Variants in RANBP2 observed in about 807,000 individuals in gnomAD.
RANBP2 encodes the protein E3 SUMO-protein ligase RanBP2.
A neutral mutation model predicts 303.6 loss-of-function variants in RANBP2; 57 were observed. That is an observed-to-expected ratio of 0.19 (90% confidence interval 0.15 to 0.23). RANBP2 has a LOEUF of 0.23. Ranked by LOEUF, RANBP2 falls within the 10% of genes least tolerant of loss-of-function variation. The pLI is 1.00. For missense variants in RANBP2, 3,138 were observed against 3,780.8 expected, an observed-to-expected ratio of 0.83 and a Z score of 4.46; for synonymous variants, 1,167 against 1,301.5, an observed-to-expected ratio of 0.90 and a Z score of 2.23.
At chr2:108,809,932 A>G in the RANBP2 span, among the ~76,000 whole-genome samples, 2 of 152,096 alleles carry the variant, frequency 1.3e-5, no homozygotes, top group African/African-American at 4.8e-5. Flanking sequence ...CAGCCTCCTG[A>G]GTAGCTGGGA....
the RANBP2 span, among the ~76,000 whole-genome samples, chr2:109,101,753 A>G: frequency 2.6e-5 from 4 of 152,228 alleles, no homozygotes; most frequent in African/African-American, 9.6e-5. Context: ...GACAAGCCCT[A>G]CTGGAGACTG....
the RANBP2 span, among the ~76,000 whole-genome samples, chr2:108,863,498 G>A: frequency 6.6e-6 from 1 of 152,190 alleles, no homozygotes; most frequent in Admixed American, 6.5e-5. Context: ...GAAGAACCAG[G>A]AAACAAGCTG....
chr2:108,924,117 C>G, the RANBP2 span, among the ~76,000 whole-genome samples: 1 of 152,250 alleles, frequency 6.6e-6, no homozygotes, highest in Non-Finnish European at 1.5e-5. Context: ...GCTGGGGCTG[C>G]ACACACAGTG....
intron 18 of RANBP2, 109 bp from the exon 19 acceptor site, chr2:108,761,992 A>G: frequency 2.8e-6 from 4 of 1,452,102 alleles, no homozygotes; most frequent in Non-Finnish European, 3.7e-6. Context: ...ATGTAGTTAA[A>G]TCTTTCTTTA....
At position 108,781,276 on chromosome 2, in the gene RANBP2, T is replaced by C; in HGVS notation, c.8607T>C (p.Asn2869=). ...GDFAFGSKDK[N]FQWANTGAAV... ...TCCTGATTTATTCATCAGATAAAAA[T>C]TTCCAATGGGCAAATACTGGAGCAG... is the stretch of plus-strand genomic sequence containing the variant. The change falls in exon 26 of 29, where the codon AAT becomes AAC. Residue 2869 remains asparagine, a synonymous_variant. Transcript: ENST00000283195. 6.2e-7 allele frequency: 1 copy of C among 1,614,104 alleles called. No individual in the cohort carries two copies. Among genetic ancestry groups the C allele is most frequent in the East Asian group, 2.2e-5 (1 of 44,866 alleles).
the RANBP2 span, among the ~76,000 whole-genome samples, chr2:109,550,573 C>T: frequency 3.3e-5 from 5 of 152,072 alleles, no homozygotes; most frequent in Non-Finnish European, 5.9e-5. Flanking sequence ...CTCGGCCTCC[C>T]GAAGTGCTAG....
At chr2:108,950,825 AGGGATG>A in the RANBP2 span, among the ~76,000 whole-genome samples, 1 of 152,252 alleles carries the variant, frequency 6.6e-6, no homozygotes, top group South Asian at 2.1e-4. Context: ...TTCTCAGCAC[AGGGATG>A]GCCCTACAGA....
the RANBP2 span, among the ~76,000 whole-genome samples, chr2:109,345,018 T>C: frequency 6.6e-6 from 1 of 152,052 alleles, no homozygotes; most frequent in African/African-American, 2.4e-5. Context: ...CAGGCCACAG[T>C]GCTGATACCA....
chr2:108,765,940 T>C lies in RANBP2; in HGVS notation c.5401T>C (p.Cys1801Arg). ...CVQNESSSLK[C>R]VACDASKPTH... The stretch of plus-strand genomic sequence containing the variant: ...ACAAAATGAGAGTTCTTCCTTAAAA[T>C]GTGTGGCTTGTGATGCCTCTAAACC... The change falls in exon 20 of 29, where the codon TGT becomes CGT. Residue 1801 changes from cysteine to arginine, a missense_variant. By Grantham distance (180) the Cys-to-Arg change is radical. Transcript: ENST00000283195. 6.2e-7 allele frequency: 1 copy of C among 1,614,178 alleles called. No individual in the cohort carries two copies. Among genetic ancestry groups the C allele is most frequent in the Non-Finnish European group, 8.5e-7 (1 of 1,179,990 alleles).
chr2:109,326,714 TG>T, the RANBP2 span, among the ~76,000 whole-genome samples: 6 of 152,366 alleles, frequency 3.9e-5, no homozygotes, highest in Non-Finnish European at 4.4e-5. Context: ...TGAAGATAGA[TG>T]GGTAGTTCTT....
chr2:109,084,939 CA>C, the RANBP2 span, among the ~76,000 whole-genome samples: 1 of 152,148 alleles, frequency 6.6e-6, no homozygotes, highest in Non-Finnish European at 1.5e-5. Context: ...AATTACAGTC[CA>C]GCATTTTGAG....
At chr2:109,585,683 T>C in the RANBP2 span, 5 of 1,374,742 alleles carry the variant, frequency 3.6e-6, no homozygotes, top group African/African-American at 2.8e-5. Flanking sequence ...ACAAGGAATA[T>C]GAAGGAACAA....
intron 8 of RANBP2, among the ~76,000 whole-genome samples, chr2:108,748,510 C>T (rs1196537030): frequency 2.6e-5 from 4 of 151,784 alleles, no homozygotes; most frequent in African/African-American, 7.3e-5. Context: ...CATGAGCCAC[C>T]GTGCCCAGCC....
the RANBP2 span, among the ~76,000 whole-genome samples, chr2:109,283,502 G>A: frequency 6.6e-6 from 1 of 152,152 alleles, no homozygotes; most frequent in African/African-American, 2.4e-5. Context: ...TGTCCACAAA[G>A]GTCTCCAGAA....
chr2:109,325,323 CTTTCTTTCTTT>C, the RANBP2 span, among the ~76,000 whole-genome samples: 2 of 119,198 alleles, frequency 1.7e-5, no homozygotes, highest in Non-Finnish European at 3.4e-5. Context: ...TTCTTTCTTT[CTTTCTTTCTTT>C]TTTTTTTTTT....
the RANBP2 span, among the ~76,000 whole-genome samples, chr2:108,922,363 T>C: frequency 5.9e-5 from 9 of 152,212 alleles, no homozygotes. Context: ...CCTCCTCTAA[T>C]TTGTGAATTA....
chr2:108,839,535 A>G, the RANBP2 span, among the ~76,000 whole-genome samples: 3 of 152,134 alleles, frequency 2.0e-5, no homozygotes, highest in Non-Finnish European at 4.4e-5. Context: ...ATGTCTGTCC[A>G]CTTATTTAGA....
At chr2:109,587,808 G>A in the RANBP2 span, among the ~76,000 whole-genome samples, 1 of 152,206 alleles carries the variant, frequency 6.6e-6, no homozygotes, top group African/African-American at 2.4e-5. Context: ...AGCTACTCAG[G>A]AGGCTGAGGC....
At chr2:109,383,700 A>G in the RANBP2 span, among the ~76,000 whole-genome samples, 2 of 151,922 alleles carry the variant, frequency 1.3e-5, no homozygotes, top group Admixed American at 6.6e-5. Context: ...TTGCTGCTCA[A>G]CCCCCGCAGA....
Sources: gnomAD v4.1 joint callset for allele counts (sites outside exome capture counted in the v4.1 genomes callset) on GRCh38, gnomAD v4.1.1 for gene constraint, MANE v1.5 for transcripts, NCBI Gene and HGNC (gene_info 2026-07-23, HGNC 2026-07-21) for gene names.